SPATS2L: variants seen among roughly 807,000 people sequenced by gnomAD.
SPATS2L encodes SPATS2-like protein.
A neutral mutation model predicts 59.6 loss-of-function variants in SPATS2L; 30 were observed. The observed-to-expected ratio is 0.50, with a 90% confidence interval of 0.38 to 0.68. The LOEUF (loss-of-function observed/expected upper bound fraction) is 0.68, where lower values mean the gene tolerates loss of function less well. Ranked by LOEUF, SPATS2L falls within the 30% of genes least tolerant of loss-of-function variation. SPATS2L has a pLI of 0.00. For synonymous variants in SPATS2L, 252 were observed against 263.5 expected (o/e 0.96, Z 0.42); for missense variants, 615 against 700.0 (o/e 0.88, Z 1.37).
intron 3 of SPATS2L, among the ~76,000 whole-genome samples, chr2:200,408,713 A>G (rs1287355687): frequency 6.6e-6 from 1 of 152,250 alleles, no homozygotes; most frequent in Admixed American, 6.5e-5. Context: ...AACAACGTCC[A>G]TGAAAGTCAC....
intron 8 of SPATS2L, among the ~76,000 whole-genome samples, chr2:200,443,070 C>T (rs1349287074): frequency 6.6e-6 from 1 of 152,112 alleles, no homozygotes; most frequent in East Asian, 1.9e-4. Context: ...AAAGTGATCC[C>T]ACAATAATTG....
At chr2:200,375,548 T>C (rs1314132363) in intron 2 of SPATS2L, among the ~76,000 whole-genome samples, 1 of 152,178 alleles carries the variant, frequency 6.6e-6, no homozygotes, top group African/African-American at 2.4e-5. Context: ...ATTGCAAGGT[T>C]GGAGGTATGC....
intron 2 of SPATS2L, among the ~76,000 whole-genome samples, chr2:200,336,976 C>T (rs1252917069): frequency 1.3e-5 from 2 of 152,082 alleles, no homozygotes; most frequent in South Asian, 2.1e-4. Flanking sequence ...GAAAGCAGAT[C>T]GCTGAAGAGA....
intron 12 of SPATS2L, among the ~76,000 whole-genome samples, chr2:200,473,799 A>G (rs1418076589): frequency 1.3e-5 from 2 of 152,172 alleles, no homozygotes; most frequent in Non-Finnish European, 2.9e-5. Context: ...CAGGAGTTTG[A>G]GACCAGCCTG....
intron 9 of SPATS2L, chr2:200,461,370 AT>A (rs1386573356): frequency 6.6e-6 from 1 of 152,126 alleles, no homozygotes; most frequent in African/African-American, 2.4e-5. Context: ...CTTTATGCTG[AT>A]TTCTAAACCT....
At chr2:200,367,540 A>G (rs1384248837) in intron 2 of SPATS2L, among the ~76,000 whole-genome samples, 1 of 152,232 alleles carries the variant, frequency 6.6e-6, no homozygotes, top group Non-Finnish European at 1.5e-5. Context: ...TTTTCAAGAA[A>G]ATAAGAGTAT....
intron 8 of SPATS2L, among the ~76,000 whole-genome samples, chr2:200,446,371 G>A (rs2085043755): frequency 6.6e-6 from 1 of 152,200 alleles, no homozygotes; most frequent in South Asian, 2.1e-4. Context: ...CTTGACATCT[G>A]TGGTTGAAAA....
chr2:200,392,846 A>T (rs2082212538), intron 3 of SPATS2L, among the ~76,000 whole-genome samples: 7 of 152,176 alleles, frequency 4.6e-5, no homozygotes, highest in Admixed American at 4.6e-4. Context: ...ATGTCTGCTG[A>T]AGAATCCACT....
intron 10 of SPATS2L, among the ~76,000 whole-genome samples, 157 bp downstream of exon 10, chr2:200,467,556 C>T (rs76313836): frequency 6.6e-6 from 1 of 152,258 alleles, no homozygotes; most frequent in East Asian, 1.9e-4. Context: ...GGGGGAAGAC[C>T]CACATAATCA....
intron 8 of SPATS2L, among the ~76,000 whole-genome samples, chr2:200,459,158 T>A (rs566533838): frequency 3.0e-4 from 45 of 152,320 alleles, no homozygotes; most frequent in African/African-American, 1.0e-3. Context: ...AGGTAATACC[T>A]TTTCGAAGGA....
At chr2:200,456,958 C>CTCACA (rs1469529029) in intron 8 of SPATS2L, among the ~76,000 whole-genome samples, 12 of 152,262 alleles carry the variant, frequency 7.9e-5, no homozygotes, top group Middle Eastern at 3.4e-3. Context: ...GGCAGGTCCT[C>CTCACA]TCACATCCTT....
intron 2 of SPATS2L, among the ~76,000 whole-genome samples, chr2:200,343,503 G>A (rs1429563985): frequency 2.0e-5 from 3 of 152,124 alleles, no homozygotes; most frequent in Non-Finnish European, 2.9e-5. Context: ...GTAAATTGAA[G>A]TATATGATGC....
At chr2:200,396,650 G>T (rs1417995367) in intron 3 of SPATS2L, among the ~76,000 whole-genome samples, 2 of 152,154 alleles carry the variant, frequency 1.3e-5, no homozygotes, top group Non-Finnish European at 2.9e-5. Flanking sequence ...CCATCATTAT[G>T]CATCTTTAAA....
intron 2 of SPATS2L, among the ~76,000 whole-genome samples, chr2:200,367,966 A>T (rs909444461): frequency 4.6e-5 from 7 of 152,266 alleles, no homozygotes; most frequent in African/African-American, 1.2e-4. Context: ...AAACAGCGTT[A>T]TAAGAAAGTA....
At chr2:200,477,446 C>G (rs571701252) in intron 12 of SPATS2L, among the ~76,000 whole-genome samples, 190 bp from the exon 13 acceptor site, 65 of 147,280 alleles carry the variant, frequency 4.4e-4, no homozygotes, top group African/African-American at 1.4e-3. Context: ...AAACAGTCCA[C>G]TATTCTTTTA....
intron 12 of SPATS2L, among the ~76,000 whole-genome samples, chr2:200,473,303 G>A (rs745952535): frequency 5.3e-5 from 8 of 152,072 alleles, no homozygotes; most frequent in Non-Finnish European, 1.2e-4. Context: ...TCTTGACCAC[G>A]TGAGCAGAGT....
intron 1 of SPATS2L, chr2:200,308,960 G>C (rs2079111236): frequency 2.8e-6 from 2 of 706,778 alleles, no homozygotes; most frequent in Admixed American, 2.1e-5. Context: ...ATTGTGGAGA[G>C]AGTTATCTGT....
intron 2 of SPATS2L, among the ~76,000 whole-genome samples, chr2:200,367,850 T>G (rs1391080424): frequency 6.6e-6 from 1 of 152,244 alleles, no homozygotes; most frequent in Non-Finnish European, 1.5e-5. Flanking sequence ...CAGATTCAGA[T>G]AAATGGTTCC....
At chr2:200,368,713 C>A (rs1386079875) in intron 2 of SPATS2L, among the ~76,000 whole-genome samples, 2 of 152,136 alleles carry the variant, frequency 1.3e-5, no homozygotes, top group Admixed American at 6.5e-5. Flanking sequence ...AGGGGGAAAT[C>A]CCAAATATTT....
Sources: allele counts gnomAD v4.1 joint callset (sites outside exome capture counted in the v4.1 genomes callset), GRCh38; gene constraint gnomAD v4.1.1; transcripts MANE v1.5; gene names NCBI Gene and HGNC (gene_info 2026-07-23, HGNC 2026-07-21).